OLFML2B: variants seen among roughly 807,000 people sequenced by gnomAD.
OLFML2B encodes the protein olfactomedin-like protein 2B.
OLFML2B carries 57 observed loss-of-function variants against 74.9 expected under a neutral mutation model. The ratio of observed to expected loss-of-function variants is 0.76; its 90% CI spans 0.61 to 0.95. The LOEUF (loss-of-function observed/expected upper bound fraction) is 0.95, where lower values mean the gene tolerates loss of function less well. OLFML2B is among the 40% of genes least tolerant of loss of function. OLFML2B has a pLI of 0.00. For missense variants in OLFML2B, 986 were observed against 970.6 expected (o/e 1.02, Z -0.21); for synonymous variants, 388 against 405.8 (o/e 0.96, Z 0.53).
At chr1:162,009,743 C>T (rs10918444) in intron 3 of OLFML2B, among the ~76,000 whole-genome samples, 28,750 of 152,166 alleles carry the variant, frequency 0.19, 3,029 homozygotes, top group East Asian at 0.38. Flanking sequence ...GCAGCAGCCA[C>T]AGCTGCCCCT....
At position 161,983,612 on chromosome 1, in the gene OLFML2B, G is replaced by GCA; in HGVS notation, c.*61_*62dup. On this transcript the variant is annotated 3_prime_UTR_variant, in exon 8 of 8. Transcript: ENST00000294794. ...CATACCCACCTACACACACGTGCGC[G>GCA]CACACACATACACACAAGGTGCTAG... is the stretch of plus-strand genomic sequence containing the variant. The GCA allele has an allele frequency of 6.5e-7, 1 of 1,530,494 alleles. No individual in the cohort carries two copies. The highest frequency in any genetic ancestry group is 1.9e-5 in the Admixed American group (1 of 52,770). 94.8% of individuals were successfully genotyped at this position (1,530,494 alleles called of 1,614,324 possible). A position where few individuals can be genotyped will look rare whatever the true frequency, so the allele number is the denominator to read the frequency against.
chr1:162,003,659 C>A (rs1461438167), intron 4 of OLFML2B, among the ~76,000 whole-genome samples: 1 of 152,168 alleles, frequency 6.6e-6, no homozygotes, highest in East Asian at 1.9e-4. Context: ...CACTCTCACC[C>A]TGCTCTCTCC....
intron 6 of OLFML2B, among the ~76,000 whole-genome samples, chr1:161,989,973 T>A (rs1356608331): frequency 6.6e-6 from 1 of 152,242 alleles, no homozygotes; most frequent in African/African-American, 2.4e-5. Context: ...AACCCTATCA[T>A]ATTCTTTCTT....
At chr1:162,006,494 A>G (rs181592695) in intron 3 of OLFML2B, 21 bp from the exon 4 acceptor site, 8 of 1,250,778 alleles carry the variant, frequency 6.4e-6, no homozygotes, top group Non-Finnish European at 8.9e-6. Flanking sequence ...AAAAAAAAAG[A>G]TGATCCATTA....
At position 162,022,250 on chromosome 1, in the gene OLFML2B, T is replaced by C. The variant is rs978614704; in HGVS notation, c.174+1007A>G. On this transcript the variant is annotated intron_variant, in intron 1 of 7. Coordinates refer to ENST00000294794, the MANE Select transcript of OLFML2B (RefSeq NM_015441.3). ...CTCTACCCATGTATCTCTTCTTTTT[T>C]TTTTTTTTTTTTTTTTTTGAGACGG... 1.0e-3 allele frequency among the ~76,000 whole-genome samples: 128 copies of C among 128,026 alleles called. 1 individual carries two copies. Among genetic ancestry groups the C allele is most frequent in the African/African-American group, 3.5e-3 (115 of 33,328 alleles). The allele number at this position is 128,026 out of a possible 152,430, so 84.0% of individuals were successfully genotyped here. A position where few individuals can be genotyped will look rare whatever the true frequency, so the allele number is the denominator to read the frequency against.
rs1281086816 is a variant in OLFML2B, at chr1:162,023,671, A to C, written c.-241T>G. 6.1e-6 allele frequency: 2 copies of C among 329,458 alleles called. No individual in the cohort carries two copies. The highest frequency in any genetic ancestry group is 1.1e-5 in the Non-Finnish European group (2 of 182,904). The allele number at this position is 329,458 out of a possible 1,614,324, so 20.4% of individuals were successfully genotyped here. A position where few individuals can be genotyped will look rare whatever the true frequency, so the allele number is the denominator to read the frequency against. On this transcript the variant is annotated 5_prime_UTR_variant, in exon 1 of 8. Coordinates refer to ENST00000294794, the MANE Select transcript of OLFML2B (RefSeq NM_015441.3). ...CCCAGTGGAGAGCCGGACGCAAGGA[A>C]GAGGGGATGACGGAGAAGGTGGAGG...
intron 4 of OLFML2B, among the ~76,000 whole-genome samples, chr1:162,005,686 G>GT (rs1690203723): frequency 6.6e-6 from 1 of 152,074 alleles, no homozygotes; most frequent in Non-Finnish European, 1.5e-5. Flanking sequence ...GTGGCCAGGA[G>GT]TTCCAGACCA....
chr1:161,984,785 T>G lies in OLFML2B; in HGVS notation c.1651+19A>C. On this transcript the variant is annotated intron_variant, in intron 7 of 7. Transcript: ENST00000294794. ...TGGGGAAGGGAAGGAGCAGTCTGGG[T>G]TGGATCTTTATCATGTACCTTGTTT... The G allele has an allele frequency of 6.2e-7, 1 of 1,611,316 alleles. No individual in the cohort carries two copies. The highest frequency in any genetic ancestry group is 1.1e-5 in the South Asian group (1 of 90,594).
intron 3 of OLFML2B, among the ~76,000 whole-genome samples, chr1:162,016,269 G>A (rs1039626730): frequency 6.6e-6 from 1 of 152,184 alleles, no homozygotes; most frequent in African/African-American, 2.4e-5. Flanking sequence ...ATCATATGGA[G>A]TAGGCAGGGT....
chr1:162,000,405 G>T, intron 4 of OLFML2B, 67 bp from the exon 5 acceptor site: 2 of 1,373,610 alleles, frequency 1.5e-6, no homozygotes, highest in South Asian at 2.4e-5. Flanking sequence ...GCAGGTGGGG[G>T]CAAGGCTGGA....
intron 7 of OLFML2B, 152 bp from the exon 8 acceptor site, chr1:161,984,428 C>A: frequency 3.9e-6 from 4 of 1,026,936 alleles, no homozygotes; most frequent in Non-Finnish European, 5.5e-6. Flanking sequence ...GCACATCACT[C>A]AACCTGTCCG....
chr1:162,022,265 T>G (rs796155121), intron 1 of OLFML2B, among the ~76,000 whole-genome samples: 1 of 144,302 alleles, frequency 6.9e-6, no homozygotes, highest in African/African-American at 2.6e-5. Flanking sequence ...TTTTTTTTTT[T>G]TTTGAGACGG....
chr1:161,986,491 G>A (rs376556069), intron 6 of OLFML2B, among the ~76,000 whole-genome samples: 1 of 152,180 alleles, frequency 6.6e-6, no homozygotes, highest in Non-Finnish European at 1.5e-5. Context: ...CAGTTGGCAG[G>A]GTTTAGGCAG....
chr1:162,001,107 A>G (rs1690069678), intron 4 of OLFML2B, among the ~76,000 whole-genome samples: 1 of 152,048 alleles, frequency 6.6e-6, no homozygotes, highest in African/African-American at 2.4e-5. Context: ...TCCTTCCCCC[A>G]TATATCTACT....
chr1:161,984,837 C>T lies in OLFML2B; in HGVS notation c.1618G>A (p.Val540Ile). ...AAGTTCTCCAGGTTCCGGAACTCTA[C>T]CAGGGTGTTGCCGTAGTAATAGTTG... ...VTNYYYGNTL[V>I]EFRNLENFKQ... Residue 540 changes from valine (V) to isoleucine (I), a missense_variant, in exon 7 of 8, where the codon GTA becomes ATA. Physicochemically the swap from Val to Ile is conservative, Grantham distance 29 (BLOSUM62 3). Coordinates refer to ENST00000294794, the MANE Select transcript of OLFML2B (RefSeq NM_015441.3). 6.2e-7 allele frequency: 1 copy of T among 1,613,414 alleles called. No homozygotes were observed. The highest frequency in any genetic ancestry group is 8.5e-7 in the Non-Finnish European group (1 of 1,179,928).
chr1:161,984,755 G>A, intron 7 of OLFML2B, 49 bp downstream of exon 7: 1 of 1,573,696 alleles, frequency 6.4e-7, no homozygotes, highest in Non-Finnish European at 8.7e-7. Flanking sequence ...TAAAAACAGA[G>A]GACGTGGGGA....
chr1:162,006,409 G>A lies in OLFML2B; in HGVS notation c.611C>T (p.Thr204Ile). ...TTCTTTGCCTCGCTTATTCATCTCG[G>A]TTCGAATTTCTTCCATGTCCTCTTT... Reference protein sequence around the residue: ...QIKEDMEEIRTEMNKRGKENC... With the variant: ...QIKEDMEEIRIEMNKRGKENC... The change falls in exon 4 of 8, where the codon ACC becomes ATC. Residue 204 changes from threonine (T) to isoleucine (I), a missense_variant. Coordinates refer to ENST00000294794, the MANE Select transcript of OLFML2B (RefSeq NM_015441.3). 1 of 1,612,304 alleles carries A rather than the reference G, an allele frequency of 6.2e-7. No individual in the cohort carries two copies. Among genetic ancestry groups the A allele is most frequent in the Non-Finnish European group, 8.5e-7 (1 of 1,179,592 alleles).
At chr1:161,991,156 T>C (rs149733973) in intron 6 of OLFML2B, among the ~76,000 whole-genome samples, 27 of 152,364 alleles carry the variant, frequency 1.8e-4, no homozygotes, top group African/African-American at 6.0e-4. Flanking sequence ...GTTGATATTT[T>C]GACCTCTTCC....
intron 1 of OLFML2B, among the ~76,000 whole-genome samples, chr1:162,021,392 C>A (rs1690700170): frequency 6.6e-6 from 1 of 152,214 alleles, no homozygotes; most frequent in South Asian, 2.1e-4. Flanking sequence ...TTCTGGAGCC[C>A]CAACTCTGGG....
Sources: allele counts gnomAD v4.1 joint callset (sites outside exome capture counted in the v4.1 genomes callset), GRCh38; gene constraint gnomAD v4.1.1; transcripts MANE v1.5; gene names NCBI Gene and HGNC (gene_info 2026-07-23, HGNC 2026-07-21).